Variants in PTGER1 observed in about 807,000 individuals in gnomAD.
PTGER1 encodes the protein prostaglandin E receptor 1, also known as prostaglandin E2 receptor EP1 subtype.
PTGER1 carries 15 observed loss-of-function variants against 18.5 expected under a neutral mutation model. The observed-to-expected ratio is 0.81, with a 90% confidence interval of 0.54 to 1.25. The LOEUF is 1.25. Among genes scored for constraint, PTGER1 ranks in the 50% most tolerant of loss-of-function variants. The probability of loss-of-function intolerance (pLI) is 0.00; values close to 1 mark genes in which losing one functional copy is unlikely to be tolerated. For synonymous variants in PTGER1, 339 were observed against 308.4 expected (o/e 1.10, Z -1.04); for missense variants, 567 against 603.4 (o/e 0.94, Z 0.63).
rs1229394302 is a variant in PTGER1, at chr19:14,473,871, C to T, written c.450G>A (p.Ser150=). 1.6e-6 allele frequency: 2 copies of T among 1,254,884 alleles called. No individual in the cohort carries two copies. Among genetic ancestry groups the T allele is most frequent in the South Asian group, 2.8e-5 (1 of 35,596 alleles). 77.7% of individuals were successfully genotyped at this position (1,254,884 alleles called of 1,614,324 possible). The change falls in exon 2 of 3, where the codon TCG becomes TCA. Residue 150 remains serine, a synonymous_variant. Transcript: ENST00000292513. This position sits in a 1 kb window ranked among gnomAD's most constrained non-coding sequence, Gnocchi z 7.1. The stretch of plus-strand genomic sequence containing the variant: ...CCAGCGCCAGGCGCGCGCGGGCGAC[C>T]GAGACCCGCGCGGCGTGGAGCAGCG... ...TRPLLHAARV[S]VARARLALAA...
rs2071592768 is a variant in PTGER1 at position 14,474,081 on chromosome 19, CAGGCTGGCCA to C, written c.230_239del (p.Val77GlyfsTer10). 1 of 1,489,052 alleles carries C rather than the reference CAGGCTGGCCA, an allele frequency of 6.7e-7. No individual in the cohort carries two copies. The highest frequency in any genetic ancestry group is 8.9e-7 in the Non-Finnish European group (1 of 1,125,234). The allele number at this position is 1,489,052 out of a possible 1,614,324, so 92.2% of individuals were successfully genotyped here. On this transcript the variant is annotated frameshift_variant, in exon 2 of 3. Coordinates refer to ENST00000292513, the MANE Select transcript of PTGER1 (RefSeq NM_000955.3). LOFTEE classifies it high-confidence loss of function. This position sits in a 1 kb window ranked among gnomAD's most constrained non-coding sequence, Gnocchi z 5.4. ...CGTGGCCCGCCAGGTCGGTGGCCAG[CAGGCTGGCCA>C]CGAACAGCAGGAAGGTGGCGGCCGA...
chr19:14,472,655 C>T lies in PTGER1; in HGVS notation c.1114G>A (p.Ala372Thr), dbSNP rs1599338755. Residue 372 changes from alanine (A) to threonine (T), a missense_variant, in exon 3 of 3, where the codon GCC becomes ACC. Coordinates refer to ENST00000292513, the MANE Select transcript of PTGER1 (RefSeq NM_000955.3). ...CCCAGCCCCGCGGGGCCGCCCTTGG[C>T]TCCGGCCCTCGGGGGCAAGAGGCGA... Reference protein sequence around the residue: ...LLRLLPPRAGAKGGPAGLGLT... With the variant: ...LLRLLPPRAGTKGGPAGLGLT... 1 of 1,609,320 alleles carries T rather than the reference C, an allele frequency of 6.2e-7. No homozygotes were observed. Among genetic ancestry groups the T allele is most frequent in the African/African-American group, 1.3e-5 (1 of 74,962 alleles).
rs1165577738 is a variant in PTGER1 at position 14,473,309 on chromosome 19, G to T, written c.942+70C>A. On this transcript the variant is annotated intron_variant, in intron 2 of 2. Transcript: ENST00000292513. The surrounding 1 kb of genome is among the most constrained non-coding windows in gnomAD (Gnocchi z 7.1). ...ATGGAGGCCCCAGGTGTCCTGGGAC[G>T]ACAAAGGGCGGGAGGGTGCCGAGAG... is the stretch of plus-strand genomic sequence containing the variant. 17 of 1,532,304 alleles carry T rather than the reference G, an allele frequency of 1.1e-5. No homozygotes were observed. The East Asian group carries it at 1.7e-4, about 16-fold the overall frequency. 94.9% of individuals were successfully genotyped at this position (1,532,304 alleles called of 1,614,324 possible). A position where few individuals can be genotyped will look rare whatever the true frequency, so the allele number is the denominator to read the frequency against.
chr19:14,473,554 T>C lies in PTGER1; in HGVS notation c.767A>G (p.His256Arg), dbSNP rs7249305. The C allele has an allele frequency of 0.02, 30,387 of 1,529,834 alleles. 4,776 individuals carry two copies. In the African/African-American group the frequency reaches 0.36, roughly 18 times the overall value. 94.8% of individuals were successfully genotyped at this position (1,529,834 alleles called of 1,614,324 possible). The change falls in exon 2 of 3, where the codon CAC (histidine) becomes CGC (arginine). Residue 256 changes from histidine to arginine, a missense_variant. Transcript: ENST00000292513. This position sits in a 1 kb window ranked among gnomAD's most constrained non-coding sequence, Gnocchi z 7.1. ...CGAGGCGGAGGCCGAGCGGGGTCCG[T>C]GCGCCCCCCAGCGACGCCGGCTGTC... is the stretch of plus-strand genomic sequence containing the variant. ...GPDSRRRWGA[H>R]GPRSASASSA...
Position 14,473,988 on chromosome 19 carries a change from G to A in PTGER1, c.333C>T (p.His111=), listed in dbSNP as rs1444264985. 1.3e-6 allele frequency: 2 copies of A among 1,499,808 alleles called. No homozygotes were observed. The highest frequency in any genetic ancestry group is 1.8e-6 in the Non-Finnish European group (2 of 1,129,214). 92.9% of individuals were successfully genotyped at this position (1,499,808 alleles called of 1,614,324 possible). A position where few individuals can be genotyped will look rare whatever the true frequency, so the allele number is the denominator to read the frequency against. Residue 111 remains histidine (H), a synonymous_variant, in exon 2 of 3, where the codon CAC becomes CAT. Transcript: ENST00000292513. The surrounding 1 kb of genome is among the most constrained non-coding windows in gnomAD (Gnocchi z 7.1). Reference sequence around the variant, plus strand: ...AGAAGACCATGCAGCCGCCCAGGAAGTGGCAGGCCCCGCCGGCCGGAGCGC... The same window carrying A: ...AGAAGACCATGCAGCCGCCCAGGAAATGGCAGGCCCCGCCGGCCGGAGCGC... The part of the protein sequence containing the change: ...AGRAPAGGAC[H]FLGGCMVFFG...
At position 14,474,027 on chromosome 19, in the gene PTGER1, C is replaced by G; in HGVS notation, c.294G>C (p.Leu98=). The G allele has an allele frequency of 1.3e-6, 2 of 1,500,016 alleles. No individual in the cohort carries two copies. Among genetic ancestry groups the G allele is most frequent in the South Asian group, 1.2e-5 (1 of 81,008 alleles). The allele number at this position is 1,500,016 out of a possible 1,614,324, so 92.9% of individuals were successfully genotyped here. A position where few individuals can be genotyped will look rare whatever the true frequency, so the allele number is the denominator to read the frequency against. The change falls in exon 2 of 3, where the codon CTG becomes CTC. Residue 98 remains leucine, a synonymous_variant. Coordinates refer to ENST00000292513, the MANE Select transcript of PTGER1 (RefSeq NM_000955.3). The surrounding 1 kb of genome is among the most constrained non-coding windows in gnomAD (Gnocchi z 5.4). ...HVIPGALVLR[L]YTAGRAPAGG... The stretch of plus-strand genomic sequence containing the variant: ...CGGCCGGAGCGCGCCCCGCAGTGTA[C>G]AGACGCAGCACCAGCGCGCCCGGGA...
intron 2 of PTGER1, 46 bp from the exon 3 acceptor site, chr19:14,472,872 G>T (rs10419296): frequency 6.3e-5 from 95 of 1,506,534 alleles, no homozygotes; most frequent in Middle Eastern, 2.0e-4. Context: ...GCGGGCGCAG[G>T]GGGGCGCAGG....
Position 14,474,331 on chromosome 19 carries a change from A to G in PTGER1, c.-11T>C, listed in dbSNP as rs759585271. The G allele has an allele frequency of 4.0e-6, 6 of 1,517,368 alleles. No individual in the cohort carries two copies. Among genetic ancestry groups the G allele is most frequent in the Middle Eastern group, 2.1e-4 (1 of 4,690 alleles). 94.0% of individuals were successfully genotyped at this position (1,517,368 alleles called of 1,614,324 possible). On this transcript the variant is annotated 5_prime_UTR_variant, in exon 2 of 3. Transcript: ENST00000292513. The surrounding 1 kb of genome is among the most constrained non-coding windows in gnomAD (Gnocchi z 5.4). ...CCCGCAAGGGCTCATGTCAGGCGCC[A>G]GGGGTGCTGGATAGAGGAGAGGAGG...
rs1212835316 is a variant in PTGER1, at chr19:14,474,657, G to C, written c.-17-320C>G. Among the ~76,000 whole-genome samples, 1 of 150,078 alleles carries C rather than the reference G, an allele frequency of 6.7e-6. No homozygotes were observed. Among genetic ancestry groups the C allele is most frequent in the Middle Eastern group, 3.4e-3 (1 of 290 alleles). Reference sequence around the variant, plus strand: ...CTCAGGCATCTCTGCCAGTGCCTCCGACCCCCACCTTCCATTTTTACACCC... The same window carrying C: ...CTCAGGCATCTCTGCCAGTGCCTCCCACCCCCACCTTCCATTTTTACACCC... On this transcript the variant is annotated intron_variant, in intron 1 of 2. Transcript: ENST00000292513. This position sits in a 1 kb window ranked among gnomAD's most constrained non-coding sequence, Gnocchi z 5.4.
At position 14,473,567 on chromosome 19, in the gene PTGER1, G is replaced by T; in HGVS notation, c.754C>A (p.Arg252Ser). The T allele has an allele frequency of 6.6e-7, 1 of 1,508,768 alleles. No individual in the cohort carries two copies. The highest frequency in any genetic ancestry group is 1.4e-5 in the African/African-American group (1 of 69,424). 93.5% of individuals were successfully genotyped at this position (1,508,768 alleles called of 1,614,324 possible). A position where few individuals can be genotyped will look rare whatever the true frequency, so the allele number is the denominator to read the frequency against. The change falls in exon 2 of 3, where the codon CGC becomes AGC. Residue 252 changes from arginine to serine, a missense_variant. By Grantham distance (110) the Arg-to-Ser change is moderately radical (BLOSUM62 -1). Coordinates refer to ENST00000292513, the MANE Select transcript of PTGER1 (RefSeq NM_000955.3). The surrounding 1 kb of genome is among the most constrained non-coding windows in gnomAD (Gnocchi z 7.1). ...GAGCGGGGTCCGTGCGCCCCCCAGCGACGCCGGCTGTCGGGGCCTGAGGCC... is the reference window on the plus strand; with the variant it reads ...GAGCGGGGTCCGTGCGCCCCCCAGCTACGCCGGCTGTCGGGGCCTGAGGCC... ...PPASGPDSRRRWGAHGPRSAS... is the reference protein window; with the variant it reads ...PPASGPDSRRSWGAHGPRSAS...
Position 14,474,257 on chromosome 19 carries a change from A to T in PTGER1, c.64T>A (p.Trp22Arg), listed in dbSNP as rs1333612142. ...GGCACGGCCGACGTGTTGGGGACCC[A>T]GGGCGCCGCGCATGTGGTCGCCTCG... is the stretch of plus-strand genomic sequence containing the variant. ...AGEATTCAAP[W>R]VPNTSAVPPS... Residue 22 changes from tryptophan to arginine, a missense_variant, in exon 2 of 3, where the codon TGG (tryptophan) becomes AGG (arginine). By Grantham distance (101) the Trp-to-Arg change is moderately radical (BLOSUM62 -3). Coordinates refer to ENST00000292513, the MANE Select transcript of PTGER1 (RefSeq NM_000955.3). The surrounding 1 kb of genome is among the most constrained non-coding windows in gnomAD (Gnocchi z 5.4). The T allele has an allele frequency of 6.5e-7, 1 of 1,530,464 alleles. No homozygotes were observed. The highest frequency in any genetic ancestry group is 8.7e-7 in the Non-Finnish European group (1 of 1,144,664). The allele number at this position is 1,530,464 out of a possible 1,614,324, so 94.8% of individuals were successfully genotyped here. A position where few individuals can be genotyped will look rare whatever the true frequency, so the allele number is the denominator to read the frequency against.
chr19:14,473,641 A>C lies in PTGER1; in HGVS notation c.680T>G (p.Leu227Arg). 1 of 1,480,158 alleles carries C rather than the reference A, an allele frequency of 6.8e-7. No homozygotes were observed. The highest frequency in any genetic ancestry group is 8.9e-7 in the Non-Finnish European group (1 of 1,123,598). 91.7% of individuals were successfully genotyped at this position (1,480,158 alleles called of 1,614,324 possible). ...AALVCNTLSG[L>R]ALLRARWRRR... is the part of the protein sequence containing the mutation. ...TCGCCAGCGGGCGCGTAGCAGGGCC[A>C]GGCCGCTGAGCGTGTTGCACACCAG... is the stretch of plus-strand genomic sequence containing the variant. Residue 227 changes from leucine (L) to arginine (R), a missense_variant, in exon 2 of 3, where the codon CTG becomes CGG. Physicochemically the swap from Leu to Arg is moderately radical, Grantham distance 102. Transcript: ENST00000292513. This position sits in a 1 kb window ranked among gnomAD's most constrained non-coding sequence, Gnocchi z 7.1.
Position 14,473,751 on chromosome 19 carries a change from G to A in PTGER1, c.570C>T (p.Ile190=). Residue 190 remains isoleucine, a synonymous_variant, in exon 2 of 3, where the codon ATC becomes ATT. Coordinates refer to ENST00000292513, the MANE Select transcript of PTGER1 (RefSeq NM_000955.3). The surrounding 1 kb of genome is among the most constrained non-coding windows in gnomAD (Gnocchi z 7.1). ...ELQYPGTWCF[I]GLGPPGGWRQ... is the part of the protein sequence containing the mutation. ...GCCAGCCGCCCGGGGGACCCAGGCC[G>A]ATGAAGCACCACGTGCCCGGGTACT... The A allele has an allele frequency of 1.4e-6, 2 of 1,456,872 alleles. No homozygotes were observed. The highest frequency in any genetic ancestry group is 1.3e-5 in the South Asian group (1 of 76,090). The allele number at this position is 1,456,872 out of a possible 1,614,324, so 90.2% of individuals were successfully genotyped here. A position where few individuals can be genotyped will look rare whatever the true frequency, so the allele number is the denominator to read the frequency against.
chr19:14,472,870 AG>A lies in PTGER1; in HGVS notation c.943-45del, dbSNP rs565082126. ...TGAGCTATAGAGCAGGCGCGGGCGC[AG>A]GGGGGCGCAGGGATGGTGGGGGCGT... On this transcript the variant is annotated intron_variant, in intron 2 of 2. Transcript: ENST00000292513. 2.3e-4 allele frequency: 351 copies of A among 1,505,490 alleles called. 1 individual carries two copies. In the East Asian group the frequency reaches 6.8e-3, roughly 29 times the overall value. 93.3% of individuals were successfully genotyped at this position (1,505,490 alleles called of 1,614,324 possible). A position where few individuals can be genotyped will look rare whatever the true frequency, so the allele number is the denominator to read the frequency against.
Position 14,473,823 on chromosome 19 carries a change from C to G in PTGER1, c.498G>C (p.Leu166Phe). Residue 166 changes from leucine to phenylalanine, a missense_variant, in exon 2 of 3, where the codon TTG (leucine) becomes TTC (phenylalanine). By Grantham distance (22) the Leu-to-Phe change is conservative. Coordinates refer to ENST00000292513, the MANE Select transcript of PTGER1 (RefSeq NM_000955.3). This position sits in a 1 kb window ranked among gnomAD's most constrained non-coding sequence, Gnocchi z 7.1. ...GCGCCAGCGGCAGCAGCGCCACGGC[C>G]AAGGCCACCGCGGCCACCGCGGCCA... ...LALAAVAAVALAVALLPLARV... is the reference protein window; with the variant it reads ...LALAAVAAVAFAVALLPLARV... The G allele has an allele frequency of 7.5e-7, 1 of 1,334,206 alleles. No individual in the cohort carries two copies. The highest frequency in any genetic ancestry group is 2.8e-4 in the Middle Eastern group (1 of 3,578). The allele number at this position is 1,334,206 out of a possible 1,614,324, so 82.6% of individuals were successfully genotyped here.
chr19:14,473,256 A>G lies in PTGER1; in HGVS notation c.942+123T>C, dbSNP rs1300626516. The G allele has an allele frequency of 2.7e-6, 4 of 1,460,634 alleles. No individual in the cohort carries two copies. Among genetic ancestry groups the G allele is most frequent in the Non-Finnish European group, 3.6e-6 (4 of 1,110,296 alleles). The allele number at this position is 1,460,634 out of a possible 1,614,324, so 90.5% of individuals were successfully genotyped here. On this transcript the variant is annotated intron_variant, in intron 2 of 2. Transcript: ENST00000292513. This position sits in a 1 kb window ranked among gnomAD's most constrained non-coding sequence, Gnocchi z 7.1. ...GGCTTTCGGGGCAGGTGGGGCCTCT[A>G]GGGGCCGGGGCCTTGGTTGAGTCCA...
chr19:14,472,646 C>T lies in PTGER1; in HGVS notation c.1123G>A (p.Gly375Ser). Reference sequence around the variant, plus strand: ...GGTGTTAGGCCCAGCCCCGCGGGGCCGCCCTTGGCTCCGGCCCTCGGGGGC... The same window carrying T: ...GGTGTTAGGCCCAGCCCCGCGGGGCTGCCCTTGGCTCCGGCCCTCGGGGGC... ...LLPPRAGAKG[G>S]PAGLGLTPSA... The change falls in exon 3 of 3, where the codon GGC becomes AGC. Residue 375 changes from glycine (G) to serine (S), a missense_variant. Gly to Ser is a moderately conservative substitution (Grantham distance 56). Coordinates refer to ENST00000292513, the MANE Select transcript of PTGER1 (RefSeq NM_000955.3). The T allele has an allele frequency of 1.2e-6, 2 of 1,607,914 alleles. No homozygotes were observed. Among genetic ancestry groups the T allele is most frequent in the South Asian group, 1.1e-5 (1 of 90,506 alleles).
At position 14,474,362 on chromosome 19, in the gene PTGER1, G is replaced by A. The variant is rs1370675928; in HGVS notation, c.-17-25C>T. ...GCTGGATAGAGGAGAGGAGGGCAGA[G>A]TGAGGCTGGCTGGGCCCGGGCGGGG... On this transcript the variant is annotated intron_variant, in intron 1 of 2. Coordinates refer to ENST00000292513, the MANE Select transcript of PTGER1 (RefSeq NM_000955.3). This position sits in a 1 kb window ranked among gnomAD's most constrained non-coding sequence, Gnocchi z 5.4. 3 of 1,464,962 alleles carry A rather than the reference G, an allele frequency of 2.0e-6. No homozygotes were observed. The South Asian group carries it at 3.9e-5, about 19-fold the overall frequency. The allele number at this position is 1,464,962 out of a possible 1,614,324, so 90.7% of individuals were successfully genotyped here.
intron 2 of PTGER1, 29 bp from the exon 3 acceptor site, chr19:14,472,855 A>G: frequency 6.5e-7 from 1 of 1,527,038 alleles, no homozygotes; most frequent in Non-Finnish European, 8.8e-7. Flanking sequence ...TGAGCTATAG[A>G]GCAGGCGCGG....
Sources: allele counts gnomAD v4.1 joint callset (sites outside exome capture counted in the v4.1 genomes callset), GRCh38; gene constraint gnomAD v4.1.1; non-coding constraint Gnocchi (gnomAD v3.1); transcripts MANE v1.5; gene names NCBI Gene and HGNC (gene_info 2026-07-23, HGNC 2026-07-21).